ACP2: variants seen among roughly 807,000 people sequenced by gnomAD.
The protein encoded by ACP2 is lysosomal acid phosphatase.
A neutral mutation model predicts 54.7 loss-of-function variants in ACP2; 35 were observed. That is an observed-to-expected ratio of 0.64 (90% CI 0.49 to 0.85). The LOEUF (loss-of-function observed/expected upper bound fraction) is 0.85, where lower values mean the gene tolerates loss of function less well. ACP2 is among the 40% of genes least tolerant of loss of function. The pLI is 0.00. For missense variants in ACP2, 492 were observed against 565.0 expected, an observed-to-expected ratio of 0.87 and a Z score of 1.31; for synonymous variants, 210 against 224.4, an observed-to-expected ratio of 0.94 and a Z score of 0.57.
intron 10 of ACP2, 145 bp downstream of exon 10, chr11:47,242,573 GGGAGA>G: frequency 1.2e-6 from 1 of 824,816 alleles, no homozygotes; most frequent in South Asian, 1.7e-5. Flanking sequence ...GTGAGAAGTG[GGGAGA>G]AGGTATAAAG....
At chr11:47,243,739 TG>T (rs1265282821) in intron 7 of ACP2, among the ~76,000 whole-genome samples, 1 of 152,142 alleles carries the variant, frequency 6.6e-6, no homozygotes, top group Non-Finnish European at 1.5e-5. Context: ...GAAGCTGGCA[TG>T]TGTGTTACTC....
chr11:47,247,556 C>T (rs772476447), intron 3 of ACP2, 85 bp downstream of exon 3: 2 of 1,497,504 alleles, frequency 1.3e-6, no homozygotes, highest in East Asian at 2.3e-5. Context: ...GGCCAAAGTG[C>T]CCAGCCTCAG....
Position 47,243,125 on chromosome 11 carries a change from C to T in ACP2, c.856-1G>A. 1 of 1,614,184 alleles carries T rather than the reference C, an allele frequency of 6.2e-7. No individual in the cohort carries two copies. The highest frequency in any genetic ancestry group is 8.5e-7 in the Non-Finnish European group (1 of 1,180,006). Reference sequence around the variant, plus strand: ...GCAGGGCAACCAGGGTAGTGTCGTGCTGCGGGGGAGAGGGGCTGCCCGTCA... The same window carrying T: ...GCAGGGCAACCAGGGTAGTGTCGTGTTGCGGGGGAGAGGGGCTGCCCGTCA... On this transcript the variant is annotated splice_acceptor_variant, in intron 8 of 10. Transcript: ENST00000672073. LOFTEE classifies it high-confidence loss of function.
chr11:47,248,592 C>T, intron 1 of ACP2, 84 bp downstream of exon 1: 1 of 1,552,908 alleles, frequency 6.4e-7, no homozygotes, highest in African/African-American at 1.4e-5. Context: ...ACCAGCTGTT[C>T]CTTCCCGAGA....
At chr11:47,245,979 G>A (rs976031963) in intron 3 of ACP2, 145 bp from the exon 4 acceptor site, 6 of 1,357,256 alleles carry the variant, frequency 4.4e-6, no homozygotes, top group African/African-American at 1.5e-5. Context: ...AGCCCCAGAG[G>A]AGAACCTGTT....
At position 47,243,216 on chromosome 11, in the gene ACP2, C is replaced by A. The variant is rs200232951; in HGVS notation, c.855+23G>T. On this transcript the variant is annotated intron_variant, in intron 8 of 10. Transcript: ENST00000672073. ...ATCCAGCTCCTTGCCTGACACAGCA[C>A]GCTAGGGAGCGCAGGCACTCACCGC... is the stretch of plus-strand genomic sequence containing the variant. 1.4e-5 allele frequency: 23 copies of A among 1,613,802 alleles called. 1 individual carries two copies. The South Asian group carries it at 2.1e-4, about 15-fold the overall frequency.
rs749519376 is a variant in ACP2 at position 47,240,090 on chromosome 11, G to T, written c.*26C>A. On this transcript the variant is annotated 3_prime_UTR_variant, in exon 11 of 11. Coordinates refer to ENST00000672073, the MANE Select transcript of ACP2 (RefSeq NM_001610.4). Reference sequence around the variant, plus strand: ...GGGCCCAGCCCACCTCCCCTAGGAGGTGGAGGGAAGGGGGCTGAGTGGTTG... The same window carrying T: ...GGGCCCAGCCCACCTCCCCTAGGAGTTGGAGGGAAGGGGGCTGAGTGGTTG... 5 of 1,607,952 alleles carry T rather than the reference G, an allele frequency of 3.1e-6. No individual in the cohort carries two copies. The South Asian group carries it at 5.5e-5, about 18-fold the overall frequency.
At chr11:47,247,557 C>T (rs751702166) in intron 3 of ACP2, 84 bp downstream of exon 3, 3 of 1,504,848 alleles carry the variant, frequency 2.0e-6, no homozygotes, top group East Asian at 2.3e-5. Flanking sequence ...GCCAAAGTGC[C>T]CAGCCTCAGC....
chr11:47,244,882 A>T lies in ACP2; in HGVS notation c.640-15T>A. 1 of 1,591,586 alleles carries T rather than the reference A, an allele frequency of 6.3e-7. No homozygotes were observed. The highest frequency in any genetic ancestry group is 8.6e-7 in the Non-Finnish European group (1 of 1,166,330). On this transcript the variant is annotated splice_polypyrimidine_tract_variant and intron_variant, in intron 6 of 10. Transcript: ENST00000672073. ...CCGTGCGTTTGCTGTGTATCGCAGC[A>T]GGCAGGTTAGCGCCCCAGGCCTAGG...
chr11:47,242,838 G>C lies in ACP2; in HGVS notation c.1023C>G (p.Ser341Arg). The C allele has an allele frequency of 6.2e-7, 1 of 1,614,124 alleles. No individual in the cohort carries two copies. The highest frequency in any genetic ancestry group is 8.5e-7 in the Non-Finnish European group (1 of 1,179,944). Reference protein sequence around the residue: ...NESDKAPWPLSLPGCPHRCPL... With the variant: ...NESDKAPWPLRLPGCPHRCPL... ...GGCAGCGGTGAGGGCAGCCAGGCAG[G>C]CTGAGCGGCCAGGGGGCCTTGTCAC... The change falls in exon 10 of 11, where the codon AGC (serine) becomes AGG (arginine). Residue 341 changes from serine to arginine, a missense_variant. Physicochemically the swap from Ser to Arg is moderately radical, Grantham distance 110. Coordinates refer to ENST00000672073, the MANE Select transcript of ACP2 (RefSeq NM_001610.4).
chr11:47,239,930 G>A lies in ACP2; in HGVS notation c.*186C>T. 7 of 608,978 alleles carry A rather than the reference G, an allele frequency of 1.1e-5. No homozygotes were observed. Among genetic ancestry groups the A allele is most frequent in the Non-Finnish European group, 2.0e-5 (7 of 351,024 alleles). The allele number at this position is 608,978 out of a possible 1,614,324, so 37.7% of individuals were successfully genotyped here. ...CCAACACAGCACTTGGTAAACATCA[G>A]GCATGGGAATGCTGAGTGACAGGCA... On this transcript the variant is annotated 3_prime_UTR_variant, in exon 11 of 11. Transcript: ENST00000672073.
In ACP2 at chr11:47,240,074, C is replaced by T; in HGVS notation, c.*42G>A. 6.3e-7 allele frequency: 1 copy of T among 1,591,840 alleles called. No homozygotes were observed. Among genetic ancestry groups the T allele is most frequent in the Non-Finnish European group, 8.5e-7 (1 of 1,169,784 alleles). On this transcript the variant is annotated 3_prime_UTR_variant, in exon 11 of 11. Transcript: ENST00000672073. ...CAACAGTCAGGAGCGAGGGCCCAGC[C>T]CACCTCCCCTAGGAGGTGGAGGGAA... is the stretch of plus-strand genomic sequence containing the variant.
rs111271272 is a variant in ACP2, at chr11:47,243,341, G to A, written c.773-20C>T. The A allele has an allele frequency of 2.7e-3, 4,390 of 1,609,802 alleles. 17 individuals carry two copies. Among genetic ancestry groups the A allele is most frequent in the Middle Eastern group, 4.1e-3 (25 of 6,048 alleles). ...GGACTCCTGAAGGAGAAAAGTCCCCGGTGTTGCTGGCTACAGCCACCTCTG... is the reference window on the plus strand; with the variant it reads ...GGACTCCTGAAGGAGAAAAGTCCCCAGTGTTGCTGGCTACAGCCACCTCTG... On this transcript the variant is annotated intron_variant, in intron 7 of 10. Transcript: ENST00000672073.
chr11:47,242,093 G>A (rs1953896512), intron 10 of ACP2, among the ~76,000 whole-genome samples: 1 of 152,214 alleles, frequency 6.6e-6, no homozygotes, highest in African/African-American at 2.4e-5. Flanking sequence ...AGCCAAGAAA[G>A]TGTTTCAGGA....
chr11:47,240,212 G>C lies in ACP2; in HGVS notation c.1176C>G (p.Leu392=). ...IVALAVCGSI[L]FLLIVLLLTV... is the part of the protein sequence containing the mutation. Reference sequence around the variant, plus strand: ...TGAGGAGCAGCACTATGAGGAGGAAGAGGATGGAGCCACATACAGCCAAGG... The same window carrying C: ...TGAGGAGCAGCACTATGAGGAGGAACAGGATGGAGCCACATACAGCCAAGG... Residue 392 remains leucine, a synonymous_variant, in exon 11 of 11, where the codon CTC becomes CTG. Coordinates refer to ENST00000672073, the MANE Select transcript of ACP2 (RefSeq NM_001610.4). 7.5e-6 allele frequency: 12 copies of C among 1,608,072 alleles called. No homozygotes were observed. The highest frequency in any genetic ancestry group is 1.0e-5 in the Non-Finnish European group (12 of 1,174,470).
chr11:47,240,889 G>A (rs1373677020), intron 10 of ACP2, among the ~76,000 whole-genome samples: 4 of 151,976 alleles, frequency 2.6e-5, no homozygotes, highest in African/African-American at 9.7e-5. Context: ...AAGCAAAGTA[G>A]GTCAGCAGGG....
At chr11:47,242,253 C>T (rs532948592) in intron 10 of ACP2, among the ~76,000 whole-genome samples, 28 of 152,294 alleles carry the variant, frequency 1.8e-4, no homozygotes, top group East Asian at 7.7e-4. Context: ...TCTAAGAGAA[C>T]AAGTGGTGAG....
At chr11:47,244,637 T>C (rs1953986130) in intron 7 of ACP2, 98 bp downstream of exon 7, 1 of 967,548 alleles carries the variant, frequency 1.0e-6, no homozygotes, top group Admixed American at 2.4e-5. Flanking sequence ...GCAGGGAGTG[T>C]TTCAGTAGAG....
chr11:47,242,895 A>G lies in ACP2; in HGVS notation c.966T>C (p.Asn322=). 6.2e-7 allele frequency: 1 copy of G among 1,610,978 alleles called. No homozygotes were observed. The highest frequency in any genetic ancestry group is 8.5e-7 in the Non-Finnish European group (1 of 1,177,398). ...IFELYQEDSG[N]FSVEMYFRNE... ...TCCGAAAGTACATCTCCACTGAGAA[A>G]TTCCTGAGGGTCGACAGGAGGCAAC... Residue 322 remains asparagine, a synonymous_variant, in exon 10 of 11, where the codon AAT becomes AAC. Coordinates refer to ENST00000672073, the MANE Select transcript of ACP2 (RefSeq NM_001610.4).
Sources: gnomAD v4.1 joint callset for allele counts (sites outside exome capture counted in the v4.1 genomes callset) on GRCh38, gnomAD v4.1.1 for gene constraint, MANE v1.5 for transcripts, NCBI Gene and HGNC (gene_info 2026-07-23, HGNC 2026-07-21) for gene names.